The following RGS6 variants were observed in gnomAD, a reference collection of about 807,000 sequenced individuals.
The protein encoded by RGS6 is regulator of G protein signaling 6.
In RGS6, 30 loss-of-function variants were observed where a neutral mutation model predicts 78.5. The observed-to-expected ratio is 0.38, with a 90% CI of 0.29 to 0.52. RGS6 has a LOEUF of 0.52. Among genes scored for constraint, RGS6 ranks in the 20% least tolerant of loss-of-function variants. The pLI is 0.85. For synonymous variants in RGS6, 206 were observed against 206.0 expected, an observed-to-expected ratio of 1.00 and a Z score of 0.00; for missense variants, 495 against 609.7, an observed-to-expected ratio of 0.81 and a Z score of 1.98.
the RGS6 span, among the ~76,000 whole-genome samples, chr14:71,901,612 C>T: frequency 6.6e-6 from 1 of 152,104 alleles, no homozygotes; most frequent in South Asian, 2.1e-4. Flanking sequence ...AAATGAATGG[C>T]TCCCCGTTGA....
intron 2 of RGS6, among the ~76,000 whole-genome samples, chr14:72,340,719 T>C (rs545695052): frequency 1.3e-3 from 202 of 152,296 alleles, no homozygotes; most frequent in Non-Finnish European, 2.5e-3. Context: ...CATCTGAAAA[T>C]GCACTTCTCT....
At chr14:72,451,963 G>A (rs2095505769) in intron 3 of RGS6, among the ~76,000 whole-genome samples, 1 of 152,132 alleles carries the variant, frequency 6.6e-6, no homozygotes, top group African/African-American at 2.4e-5. Context: ...TGTTGGCCAG[G>A]ATGGTCTCAA....
At chr14:72,066,637 A>AT (rs1193493421) in intron 2 of RGS6, among the ~76,000 whole-genome samples, 1 of 151,200 alleles carries the variant, frequency 6.6e-6, no homozygotes, top group Admixed American at 6.6e-5. Context: ...GGTCAGTGTT[A>AT]TTTTGTCTTG....
intron 1 of RGS6, among the ~76,000 whole-genome samples, chr14:71,955,747 C>T (rs1041768047): frequency 6.6e-6 from 1 of 152,124 alleles, no homozygotes; most frequent in African/African-American, 2.4e-5. Context: ...TCTTTATGAC[C>T]TGTATCTTAT....
chr14:72,490,547 G>A lies in RGS6; in HGVS notation c.855-4605G>A, dbSNP rs149228447. ...GCTTGTCTATTTTATATTTGTAGAGGATTGTCAAGATTCTTTGGAGATGCT... is the reference window on the plus strand; with the variant it reads ...GCTTGTCTATTTTATATTTGTAGAGAATTGTCAAGATTCTTTGGAGATGCT... On this transcript the variant is annotated intron_variant, in intron 12 of 17. Coordinates refer to ENST00000553525, the MANE Select transcript of RGS6 (RefSeq NM_001204424.2). Among the ~76,000 whole-genome samples the A allele has an allele frequency of 7.2e-3, 1,101 of 152,278 alleles. 9 individuals carry two copies. Among genetic ancestry groups the A allele is most frequent in the Middle Eastern group, 0.027 (8 of 294 alleles).
Position 72,104,205 on chromosome 14 carries a change from C to T in RGS6, c.84+139330C>T, listed in dbSNP as rs192959610. Among the ~76,000 whole-genome samples, 7 of 152,270 alleles carry T rather than the reference C, an allele frequency of 4.6e-5. No individual in the cohort carries two copies. In the East Asian group the frequency reaches 5.8e-4, roughly 13 times the overall value. The stretch of plus-strand genomic sequence containing the variant: ...GCGCCCCCGGTTTTGCTCTCTCCCC[C>T]TCTAGGTGGCGCTGTCGGGGATCCC... On this transcript the variant is annotated intron_variant, in intron 2 of 17. Transcript: ENST00000553525.
At chr14:72,241,276 A>G (rs2153824947) in intron 2 of RGS6, among the ~76,000 whole-genome samples, 1 of 152,312 alleles carries the variant, frequency 6.6e-6, no homozygotes, top group African/African-American at 2.4e-5. Context: ...TTGGTCAAAT[A>G]TAGATGCAAA....
At chr14:72,076,320 A>G (rs759508466) in intron 2 of RGS6, among the ~76,000 whole-genome samples, 2 of 152,056 alleles carry the variant, frequency 1.3e-5, no homozygotes, top group Non-Finnish European at 2.9e-5. Flanking sequence ...CTGAATCTCA[A>G]TTATTTTCAT....
At chr14:72,342,838 T>C (rs17111009) in intron 2 of RGS6, among the ~76,000 whole-genome samples, 11,394 of 150,300 alleles carry the variant, frequency 0.076, 1,399 homozygotes, top group African/African-American at 0.26. Context: ...GTGGAGGCAA[T>C]GACTTAGGGT....
intron 2 of RGS6, among the ~76,000 whole-genome samples, chr14:72,340,838 G>A (rs144543070): frequency 2.8e-4 from 42 of 152,290 alleles, no homozygotes; most frequent in African/African-American, 1.0e-3. Flanking sequence ...CAGAGCAGAT[G>A]TAGAGGACCA....
At chr14:72,263,061 C>T (rs1439790098) in intron 2 of RGS6, among the ~76,000 whole-genome samples, 1 of 152,142 alleles carries the variant, frequency 6.6e-6, no homozygotes, top group African/African-American at 2.4e-5. Context: ...GCAGCCTGGA[C>T]CCAGGGCCTA....
Position 72,357,553 on chromosome 14 carries a change from A to T in RGS6, c.184+5359A>T, listed in dbSNP as rs188824576. ...CTTGTTAGGAACTGGAGCAAAGATA[A>T]CCCTCGTTATGCTGTAGCAAAGTCA... is the stretch of plus-strand genomic sequence containing the variant. On this transcript the variant is annotated intron_variant, in intron 3 of 17. Coordinates refer to ENST00000553525, the MANE Select transcript of RGS6 (RefSeq NM_001204424.2). Among the ~76,000 whole-genome samples the T allele has an allele frequency of 1.2e-4, 19 of 152,208 alleles. No individual in the cohort carries two copies. The South Asian group carries it at 1.5e-3, about 12-fold the overall frequency.
chr14:72,401,627 G>GAA (rs77898540), intron 3 of RGS6, among the ~76,000 whole-genome samples: 1 of 128,766 alleles, frequency 7.8e-6, no homozygotes, highest in Non-Finnish European at 1.7e-5. Flanking sequence ...TTTCTACTGA[G>GAA]AAAAAAAAAA....
chr14:72,469,878 G>A, intron 7 of RGS6, 129 bp from the exon 8 acceptor site: 2 of 670,298 alleles, frequency 3.0e-6, no homozygotes, highest in Non-Finnish European at 5.4e-6. Context: ...ATGTCCAGGG[G>A]ATTTAAAGCA....
chr14:72,114,840 C>G (rs1030468529), intron 2 of RGS6, among the ~76,000 whole-genome samples: 6 of 152,172 alleles, frequency 3.9e-5, no homozygotes, highest in Admixed American at 3.3e-4. Flanking sequence ...GGGCTTTTCA[C>G]CAAATGTCTG....
At chr14:72,468,919 T>C (rs976282581) in intron 7 of RGS6, among the ~76,000 whole-genome samples, 3 of 152,200 alleles carry the variant, frequency 2.0e-5, no homozygotes, top group South Asian at 2.1e-4. Context: ...GCTCCTTTTA[T>C]ATTAATAATC....
the RGS6 span, among the ~76,000 whole-genome samples, chr14:72,613,815 C>T: frequency 6.6e-6 from 1 of 152,196 alleles, no homozygotes; most frequent in Non-Finnish European, 1.5e-5. Flanking sequence ...GCCTGGGCTG[C>T]GCACATGGAG....
At chr14:72,266,668 T>C (rs1409594605) in intron 2 of RGS6, among the ~76,000 whole-genome samples, 4 of 152,170 alleles carry the variant, frequency 2.6e-5, no homozygotes, top group Non-Finnish European at 5.9e-5. Context: ...CATCAGGGTT[T>C]TTGCAGCAAT....
chr14:72,079,542 A>G (rs2094729731), intron 2 of RGS6, among the ~76,000 whole-genome samples: 1 of 151,924 alleles, frequency 6.6e-6, no homozygotes. Context: ...TTTTGTGAGA[A>G]CACCTAGTGA....
Sources: allele counts gnomAD v4.1 joint callset (sites outside exome capture counted in the v4.1 genomes callset), GRCh38; gene constraint gnomAD v4.1.1; transcripts MANE v1.5; gene names NCBI Gene and HGNC (gene_info 2026-07-23, HGNC 2026-07-21).